Variants in ITPK1 observed in about 807,000 individuals in gnomAD.
The protein encoded by ITPK1 is inositol-tetrakisphosphate 1-kinase.
In ITPK1, 21 loss-of-function variants were observed where a neutral mutation model predicts 45.3. That is an observed-to-expected ratio of 0.46 (90% CI 0.33 to 0.67). The LOEUF (loss-of-function observed/expected upper bound fraction) is 0.67, where lower values mean the gene tolerates loss of function less well. ITPK1 is among the 30% of genes least tolerant of loss of function. The pLI, the probability that ITPK1 is intolerant of heterozygous loss-of-function variation, is 0.02. For missense variants in ITPK1, 474 were observed against 573.5 expected (o/e 0.83, Z 1.77); for synonymous variants, 258 against 253.6 (o/e 1.02, Z -0.16).
Position 92,940,884 on chromosome 14 carries a change from G to A in ITPK1, c.*677C>T. On this transcript the variant is annotated 3_prime_UTR_variant, in exon 11 of 11. Coordinates refer to ENST00000267615, the MANE Select transcript of ITPK1 (RefSeq NM_014216.6). ...GAGACCGCTGTGCAGGGCTAAATGGGACGTGTGTTGGGGGGCCCAGAGGAC... is the reference window on the plus strand; with the variant it reads ...GAGACCGCTGTGCAGGGCTAAATGGAACGTGTGTTGGGGGGCCCAGAGGAC... The A allele has an allele frequency of 1.6e-6, 2 of 1,288,702 alleles. No individual in the cohort carries two copies. The highest frequency in any genetic ancestry group is 2.0e-6 in the Non-Finnish European group (2 of 988,786). 79.8% of individuals were successfully genotyped at this position (1,288,702 alleles called of 1,614,324 possible).
rs1884881291 is a variant in ITPK1, at chr14:92,958,646, G to A, written c.505-280C>T. 1.3e-5 allele frequency among the ~76,000 whole-genome samples: 2 copies of A among 152,198 alleles called. No individual in the cohort carries two copies. The highest frequency in any genetic ancestry group is 2.4e-5 in the African/African-American group (1 of 41,442). On this transcript the variant is annotated intron_variant, in intron 7 of 10. Coordinates refer to ENST00000267615, the MANE Select transcript of ITPK1 (RefSeq NM_014216.6). The surrounding 1 kb of genome is among the most constrained non-coding windows in gnomAD (Gnocchi z 4.4). ...TGTGCACTGCACAACTTCTGAGAGCGTGACACCACTTGTCGCACTGTGGTC... is the reference window on the plus strand; with the variant it reads ...TGTGCACTGCACAACTTCTGAGAGCATGACACCACTTGTCGCACTGTGGTC...
At chr14:93,106,300 G>C (rs1043349559) in intron 2 of ITPK1, among the ~76,000 whole-genome samples, 3 of 149,958 alleles carry the variant, frequency 2.0e-5, no homozygotes, top group Non-Finnish European at 4.5e-5. Flanking sequence ...AGCCTCCCTC[G>C]GATGGGAGGA....
intron 2 of ITPK1, among the ~76,000 whole-genome samples, chr14:93,083,473 C>T (rs1891523701): frequency 2.0e-5 from 3 of 152,178 alleles, no homozygotes; most frequent in South Asian, 2.1e-4. Context: ...GAAGGTTCTA[C>T]GGAGAACAAC....
At chr14:93,001,969 C>A (rs1459808781) in intron 4 of ITPK1, among the ~76,000 whole-genome samples, 1 of 152,202 alleles carries the variant, frequency 6.6e-6, no homozygotes, top group Non-Finnish European at 1.5e-5. Flanking sequence ...ACGCACGGGT[C>A]ACAGACCTAT....
chr14:92,994,984 G>T (rs550602887), intron 4 of ITPK1, among the ~76,000 whole-genome samples: 1 of 152,184 alleles, frequency 6.6e-6, no homozygotes, highest in Non-Finnish European at 1.5e-5. Flanking sequence ...GAACACAGAC[G>T]CAGGGAGGAG....
chr14:93,108,954 G>A (rs577027483), intron 2 of ITPK1, among the ~76,000 whole-genome samples: 1 of 152,224 alleles, frequency 6.6e-6, no homozygotes, highest in Admixed American at 6.5e-5. Context: ...CGGAGGTTGC[G>A]GTGAGCCAAG....
At chr14:93,100,558 C>CAGAGAGAG (rs752146253) in intron 2 of ITPK1, among the ~76,000 whole-genome samples, 2 of 142,790 alleles carry the variant, frequency 1.4e-5, no homozygotes, top group Non-Finnish European at 3.1e-5. Flanking sequence ...GAGAGAGAGA[C>CAGAGAGAG]AGAGAGAGAG....
At chr14:93,033,486 C>G (rs536504807) in intron 3 of ITPK1, among the ~76,000 whole-genome samples, 1 of 152,176 alleles carries the variant, frequency 6.6e-6, no homozygotes, top group African/African-American at 2.4e-5. Flanking sequence ...GACATCAGAA[C>G]CAGGGTCTAG....
Position 92,940,289 on chromosome 14 carries a change from G to A in ITPK1, c.*1272C>T, listed in dbSNP as rs1395147299. 6.1e-6 allele frequency: 6 copies of A among 988,282 alleles called. No individual in the cohort carries two copies. The highest frequency in any genetic ancestry group is 7.2e-6 in the Non-Finnish European group (6 of 831,818). 61.2% of individuals were successfully genotyped at this position (988,282 alleles called of 1,614,324 possible). A position where few individuals can be genotyped will look rare whatever the true frequency, so the allele number is the denominator to read the frequency against. ...ACACAAAAACATACTTGTGGGGGCT[G>A]ATGCCTCTCACCCAGCACCCCACAT... On this transcript the variant is annotated 3_prime_UTR_variant, in exon 11 of 11. Coordinates refer to ENST00000267615, the MANE Select transcript of ITPK1 (RefSeq NM_014216.6).
intron 10 of ITPK1, among the ~76,000 whole-genome samples, chr14:92,945,904 G>A (rs1887662222): frequency 6.6e-6 from 1 of 152,180 alleles, no homozygotes; most frequent in East Asian, 1.9e-4. Context: ...GGGAGTCTCT[G>A]GCCTGCCACC....
At chr14:93,009,238 T>G (rs1887770942) in intron 4 of ITPK1, among the ~76,000 whole-genome samples, 1 of 152,180 alleles carries the variant, frequency 6.6e-6, no homozygotes, top group Non-Finnish European at 1.5e-5. Flanking sequence ...TGCATAAAAG[T>G]TATTTCTAAA....
rs747757195 is a variant in ITPK1 at position 93,115,143 on chromosome 14, C to G, written c.21G>C (p.Gly7=). The change falls in exon 2 of 11, where the codon GGG becomes GGC. Residue 7 remains glycine (G), a synonymous_variant. Transcript: ENST00000267615. MQTFLK[G]KRVGYWLSEK... Reference sequence around the variant, plus strand: ...CGCTCAGCCAGTAGCCAACTCTCTTCCCTTTCAGAAAGGTCTGCATCTTCC... The same window carrying G: ...CGCTCAGCCAGTAGCCAACTCTCTTGCCTTTCAGAAAGGTCTGCATCTTCC... 51 of 1,601,132 alleles carry G rather than the reference C, an allele frequency of 3.2e-5. No homozygotes were observed. The Admixed American group carries it at 7.5e-4, about 24-fold the overall frequency.
intron 3 of ITPK1, among the ~76,000 whole-genome samples, chr14:93,052,190 T>A (rs1890043585): frequency 6.6e-6 from 1 of 152,228 alleles, no homozygotes; most frequent in South Asian, 2.1e-4. Context: ...AATTTCCATA[T>A]CCAAAAGGTA....
chr14:93,010,554 C>A (rs751299876), intron 4 of ITPK1, among the ~76,000 whole-genome samples: 4 of 152,232 alleles, frequency 2.6e-5, no homozygotes, highest in African/African-American at 9.6e-5. Context: ...TCCCTCTGAC[C>A]CCCACCTGGC....
At position 92,946,265 on chromosome 14, in the gene ITPK1, C is replaced by A. The variant is rs182138353; in HGVS notation, c.901+66G>T. On this transcript the variant is annotated intron_variant, in intron 10 of 10. Coordinates refer to ENST00000267615, the MANE Select transcript of ITPK1 (RefSeq NM_014216.6). ...TTCTGGCCTCAGTCACCCCGCCTCA[C>A]CTGCCTGGTCACCTGAGGACAGTCT... The A allele has an allele frequency of 1.7e-3, 2,624 of 1,577,842 alleles. 32 individuals are homozygous for A. The African/African-American group carries it at 0.031, about 19-fold the overall frequency.
At position 92,940,724 on chromosome 14, in the gene ITPK1, T is replaced by C. The variant is rs778814897; in HGVS notation, c.*837A>G. ...CAAATGTCCACTAGAGACAAGGGGG[T>C]GGAGGCCCAAAGACCTGGAATGATT... is the stretch of plus-strand genomic sequence containing the variant. On this transcript the variant is annotated 3_prime_UTR_variant, in exon 11 of 11. Transcript: ENST00000267615. The C allele has an allele frequency of 7.8e-7, 1 of 1,288,746 alleles. No individual in the cohort carries two copies. Among genetic ancestry groups the C allele is most frequent in the South Asian group, 1.2e-5 (1 of 80,948 alleles). 79.8% of individuals were successfully genotyped at this position (1,288,746 alleles called of 1,614,324 possible).
intron 3 of ITPK1, among the ~76,000 whole-genome samples, chr14:93,046,795 C>T (rs1477747669): frequency 7.2e-5 from 11 of 152,292 alleles, no homozygotes; most frequent in African/African-American, 2.2e-4. Flanking sequence ...CATCAAAGCT[C>T]AGTCACTAGC....
chr14:93,033,164 T>C (rs10498636), intron 3 of ITPK1, among the ~76,000 whole-genome samples: 2,897 of 152,358 alleles, frequency 0.019, 72 homozygotes, highest in Admixed American at 0.081. Context: ...TCATTTGTTA[T>C]TCCTGCAATC....
At chr14:93,018,533 G>T (rs566092974) in intron 3 of ITPK1, among the ~76,000 whole-genome samples, 11 of 149,514 alleles carry the variant, frequency 7.4e-5, no homozygotes, top group African/African-American at 2.7e-4. Flanking sequence ...CCCCTATATA[G>T]AAAAAAAAAA....
Sources: allele counts gnomAD v4.1 joint callset (sites outside exome capture counted in the v4.1 genomes callset), GRCh38; gene constraint gnomAD v4.1.1; non-coding constraint Gnocchi (gnomAD v3.1); transcripts MANE v1.5; gene names NCBI Gene and HGNC (gene_info 2026-07-23, HGNC 2026-07-21).